ACO2: variants seen among roughly 807,000 people sequenced by gnomAD.
ACO2 encodes aconitate hydratase, mitochondrial.
Under a neutral mutation model 84.5 loss-of-function variants are expected in ACO2, and 31 were observed. The observed-to-expected ratio is 0.37, with a 90% CI of 0.28 to 0.50. The LOEUF (loss-of-function observed/expected upper bound fraction) is 0.50. Among genes scored for constraint, ACO2 ranks in the 20% least tolerant of loss-of-function variants. The probability of loss-of-function intolerance (pLI) is 0.97; values close to 1 mark genes in which losing one functional copy is unlikely to be tolerated. For missense variants in ACO2, 685 were observed against 1,029.3 expected (o/e 0.67, Z 4.58); for synonymous variants, 414 against 412.7 (o/e 1.00, Z -0.04).
chr22:41,527,341 G>A lies in ACO2; in HGVS notation c.2007G>A (p.Ser669=), dbSNP rs757964630. ...GAGACGAGAACTACGGCGAGGGCTC[G>A]AGCCGGGAGCATGCAGCTCTGGAGC... ...VIGDENYGEG[S]SREHAALEPR... The change falls in exon 16 of 18, where the codon TCG becomes TCA. Residue 669 remains serine (S), a synonymous_variant. Transcript: ENST00000216254. The A allele has an allele frequency of 1.8e-5, 29 of 1,614,024 alleles. No homozygotes were observed. The highest frequency in any genetic ancestry group is 1.6e-4 in the Middle Eastern group (1 of 6,074).
At chr22:41,525,487 G>A in intron 14 of ACO2, 139 bp downstream of exon 14, 1 of 1,101,446 alleles carries the variant, frequency 9.1e-7, no homozygotes, top group South Asian at 1.5e-5. Context: ...TTTGGCTGCA[G>A]AGCAGAGAGG....
At chr22:41,497,218 GC>G (rs1306443248) in intron 1 of ACO2, among the ~76,000 whole-genome samples, 1 of 151,788 alleles carries the variant, frequency 6.6e-6, no homozygotes, top group African/African-American at 2.4e-5. Flanking sequence ...ATAGGTGCCC[GC>G]CACCATGCCC....
At position 41,525,428 on chromosome 22, in the gene ACO2, C is replaced by T. The variant is rs932351850; in HGVS notation, c.1761+80C>T. The T allele has an allele frequency of 1.9e-6, 3 of 1,556,836 alleles. No homozygotes were observed. In the African/African-American group the frequency reaches 4.1e-5, roughly 21 times the overall value. On this transcript the variant is annotated intron_variant, in intron 14 of 17. Coordinates refer to ENST00000216254, the MANE Select transcript of ACO2 (RefSeq NM_001098.3). ...CTGAGCATCGGGAAGGGCCATGAACCTGGAGGAAGTGAGCACAGTCAAGAC... is the reference window on the plus strand; with the variant it reads ...CTGAGCATCGGGAAGGGCCATGAACTTGGAGGAAGTGAGCACAGTCAAGAC...
intron 6 of ACO2, among the ~76,000 whole-genome samples, chr22:41,516,671 C>A (rs898104742): frequency 6.6e-6 from 1 of 152,152 alleles, no homozygotes; most frequent in Non-Finnish European, 1.5e-5. Flanking sequence ...GTGAGCCCCA[C>A]CAGTTCTGTG....
At chr22:41,501,310 G>A (rs1601902849) in intron 2 of ACO2, among the ~76,000 whole-genome samples, 1 of 152,190 alleles carries the variant, frequency 6.6e-6, no homozygotes, top group African/African-American at 2.4e-5. Context: ...CCTAAGGTGG[G>A]ATCTTGAGCA....
At chr22:41,472,459 A>G (rs190180712) in intron 1 of ACO2, among the ~76,000 whole-genome samples, 1 of 152,220 alleles carries the variant, frequency 6.6e-6, no homozygotes, top group Admixed American at 6.5e-5. Flanking sequence ...AGCAACTGGC[A>G]CTATGCTGCT....
chr22:41,505,221 T>C (rs1266889721), intron 2 of ACO2, among the ~76,000 whole-genome samples: 1 of 151,896 alleles, frequency 6.6e-6, no homozygotes, highest in East Asian at 1.9e-4. Context: ...GCCTGGTCAA[T>C]ACAGTGAAAA....
chr22:41,527,118 G>A (rs1051956670), intron 15 of ACO2, 170 bp from the exon 16 acceptor site: 15 of 955,312 alleles, frequency 1.6e-5, no homozygotes, highest in African/African-American at 6.6e-5. Context: ...TCTCATTCAC[G>A]CAGGCTTCAC....
chr22:41,527,643 G>A (rs2066630740), intron 16 of ACO2: 2 of 792,648 alleles, frequency 2.5e-6, no homozygotes, highest in Non-Finnish European at 3.9e-6. Flanking sequence ...CTGAGCCGCT[G>A]AGATCTAGGA....
intron 9 of ACO2, 97 bp from the exon 10 acceptor site, chr22:41,522,733 A>T (rs2066537183): frequency 7.1e-7 from 1 of 1,407,040 alleles, no homozygotes; most frequent in Non-Finnish European, 9.7e-7. Flanking sequence ...CCAGATGGTG[A>T]ACTCTTTTGG....
chr22:41,470,528 C>CTTTTTTTTTTTTTTTT (rs71184811), intron 1 of ACO2, among the ~76,000 whole-genome samples: 1 of 95,858 alleles, frequency 1.0e-5, no homozygotes, highest in Non-Finnish European at 2.1e-5. Context: ...CTCTTTACAT[C>CTTTTTTTTTTTTTTTT]TTTTTTTTTT....
chr22:41,515,603 C>A lies in ACO2; in HGVS notation c.684+68C>A. The A allele has an allele frequency of 6.4e-7, 1 of 1,574,200 alleles. No homozygotes were observed. Among genetic ancestry groups the A allele is most frequent in the Non-Finnish European group, 8.6e-7 (1 of 1,158,212 alleles). On this transcript the variant is annotated intron_variant, in intron 5 of 17. Coordinates refer to ENST00000216254, the MANE Select transcript of ACO2 (RefSeq NM_001098.3). This position sits in a 1 kb window ranked among gnomAD's most constrained non-coding sequence, Gnocchi z 5.8. ...GTGGTTGGTGGGGATGAACGGGAGA[C>A]GGTGGGACCCAGGAGGGAAAAGGGA...
At chr22:41,469,406 G>C (rs941064616) in intron 1 of ACO2, 2 of 478,718 alleles carry the variant, frequency 4.2e-6, no homozygotes, top group Non-Finnish European at 7.3e-6. Context: ...CGCAAGAAGC[G>C]TGGGCCCAAG....
At chr22:41,519,535 G>A (rs781030497) in intron 8 of ACO2, among the ~76,000 whole-genome samples, 46 of 152,160 alleles carry the variant, frequency 3.0e-4, no homozygotes, top group Non-Finnish European at 6.3e-4. Context: ...GCCGGGCATG[G>A]TGGCTGACAC....
intron 1 of ACO2, among the ~76,000 whole-genome samples, chr22:41,476,293 G>A (rs2038012804): frequency 6.6e-6 from 1 of 151,120 alleles, no homozygotes; most frequent in South Asian, 2.1e-4. Flanking sequence ...TGTAATCTCA[G>A]TTACTTTGTG....
intron 9 of ACO2, among the ~76,000 whole-genome samples, chr22:41,522,252 T>G (rs767303189): frequency 6.4e-4 from 97 of 152,270 alleles, no homozygotes; most frequent in Non-Finnish European, 1.0e-3. Flanking sequence ...AGGAGTTGCT[T>G]GAGCCCCAGG....
chr22:41,528,520 G>C lies in ACO2; in HGVS notation c.2250G>C (p.Glu750Asp). Residue 750 changes from glutamate (E) to aspartate (D), a missense_variant, in exon 18 of 18, where the codon GAG becomes GAC. Glu to Asp is a conservative substitution (Grantham distance 45). Coordinates refer to ENST00000216254, the MANE Select transcript of ACO2 (RefSeq NM_001098.3). Reference protein sequence around the residue: ...CIIKHPNGTQETILLNHTFNE... With the variant: ...CIIKHPNGTQDTILLNHTFNE... Reference sequence around the variant, plus strand: ...TCAAGCACCCCAACGGGACCCAGGAGACCATCCTCCTGAACCACACCTTCA... The same window carrying C: ...TCAAGCACCCCAACGGGACCCAGGACACCATCCTCCTGAACCACACCTTCA... 1 of 1,612,880 alleles carries C rather than the reference G, an allele frequency of 6.2e-7. No individual in the cohort carries two copies. Among genetic ancestry groups the C allele is most frequent in the South Asian group, 1.1e-5 (1 of 91,014 alleles).
Position 41,499,874 on chromosome 22 carries a change from G to C in ACO2, c.173+12G>C. ...ATTGTTCGCAAACGGTAAGGCTGCAGATGGGAGGCTGTGACTGTCAAGGGC... is the reference window on the plus strand; with the variant it reads ...ATTGTTCGCAAACGGTAAGGCTGCACATGGGAGGCTGTGACTGTCAAGGGC... On this transcript the variant is annotated intron_variant, in intron 2 of 17. Transcript: ENST00000216254. 9 of 1,613,518 alleles carry C rather than the reference G, an allele frequency of 5.6e-6. No homozygotes were observed. The highest frequency in any genetic ancestry group is 7.6e-6 in the Non-Finnish European group (9 of 1,179,634).
intron 14 of ACO2, among the ~76,000 whole-genome samples, chr22:41,525,642 G>A (rs1250127674): frequency 6.6e-6 from 1 of 152,238 alleles, no homozygotes; most frequent in Non-Finnish European, 1.5e-5. Flanking sequence ...GGTGAGTACA[G>A]CTCAGGCTGG....
Sources: gnomAD v4.1 joint callset for allele counts (sites outside exome capture counted in the v4.1 genomes callset) on GRCh38, gnomAD v4.1.1 for gene constraint, Gnocchi (gnomAD v3.1) non-coding constraint, MANE v1.5 for transcripts, NCBI Gene and HGNC (gene_info 2026-07-23, HGNC 2026-07-21) for gene names.